The following THUMPD3 variants were observed in gnomAD, a reference collection of about 807,000 sequenced individuals.
The protein encoded by THUMPD3 is THUMP domain 3 tRNA guanosine methyltransferase.
Under a neutral mutation model 54.5 loss-of-function variants are expected in THUMPD3, and 44 were observed. The observed-to-expected ratio is 0.81, with a 90% CI of 0.63 to 1.04. The LOEUF is 1.04. Ranked by LOEUF, THUMPD3 falls within the 50% of genes least tolerant of loss-of-function variation. The probability of loss-of-function intolerance (pLI) is 0.00; values close to 1 mark genes in which losing one functional copy is unlikely to be tolerated. For missense variants in THUMPD3, 604 were observed against 601.3 expected, an observed-to-expected ratio of 1.00 and a Z score of -0.05; for synonymous variants, 196 against 201.4, an observed-to-expected ratio of 0.97 and a Z score of 0.23.
chr3:9,376,434 G>C (rs1349550791), intron 5 of THUMPD3, among the ~76,000 whole-genome samples: 4 of 152,078 alleles, frequency 2.6e-5, no homozygotes, highest in South Asian at 2.1e-4. Flanking sequence ...TTAGCTCTTT[G>C]TTCCAAATTC....
Position 9,371,394 on chromosome 3 carries a change from C to T in THUMPD3, c.665C>T (p.Pro222Leu). The change falls in exon 4 of 10, where the codon CCT (proline) becomes CTT (leucine). Residue 222 changes from proline (P) to leucine (L), a missense_variant. Coordinates refer to ENST00000452837, the MANE Select transcript of THUMPD3 (RefSeq NM_001114092.2). ...GAAAGCTCAAAAGAAGAAACTGAGCCTCAAGTGCTGAAGTTTAGAGTCACA... is the reference window on the plus strand; with the variant it reads ...GAAAGCTCAAAAGAAGAAACTGAGCTTCAAGTGCTGAAGTTTAGAGTCACA... ...TDESSKEETE[P>L]QVLKFRVTCN... 1.2e-6 allele frequency: 2 copies of T among 1,614,114 alleles called. No homozygotes were observed. The highest frequency in any genetic ancestry group is 8.5e-7 in the Non-Finnish European group (1 of 1,180,018).
Position 9,371,114 on chromosome 3 carries a change from C to G in THUMPD3, c.385C>G (p.Pro129Ala). 1 of 1,599,146 alleles carries G rather than the reference C, an allele frequency of 6.3e-7. No homozygotes were observed. Among genetic ancestry groups the G allele is most frequent in the African/African-American group, 1.4e-5 (1 of 73,708 alleles). Residue 129 changes from proline to alanine, a missense_variant, in exon 4 of 10, where the codon CCC becomes GCC. Coordinates refer to ENST00000452837, the MANE Select transcript of THUMPD3 (RefSeq NM_001114092.2). ...GGCTGGAAAACTCCCATGGTCAAAC[C>G]CCTTAAAAGTGTGGAAAATTAATGC... is the stretch of plus-strand genomic sequence containing the variant. ...DLAGKLPWSN[P>A]LKVWKINASF...
chr3:9,371,026 G>T (rs2125315444), intron 3 of THUMPD3, 34 bp from the exon 4 acceptor site: 1 of 1,476,004 alleles, frequency 6.8e-7, no homozygotes, highest in African/African-American at 1.4e-5. Flanking sequence ...ATAGTGGTGA[G>T]AAATGAATGA....
chr3:9,380,518 T>C lies in THUMPD3; in HGVS notation c.1024T>C (p.Ser342Pro). 6.2e-7 allele frequency: 1 copy of C among 1,611,868 alleles called. No homozygotes were observed. Residue 342 changes from serine (S) to proline (P), a missense_variant, in exon 7 of 10, where the codon TCT becomes CCT. Ser to Pro is a moderately conservative substitution (Grantham distance 74). Coordinates refer to ENST00000452837, the MANE Select transcript of THUMPD3 (RefSeq NM_001114092.2). ...TATCTTTTAGGGGGCCACTGAATGG[T>C]CTGACTGTTTCCATATTGCTGGTGA... ...AIPIEGATEW[S>P]DCFHIAGDNN...
At chr3:9,365,564 G>A (rs1160626308) in intron 2 of THUMPD3, among the ~76,000 whole-genome samples, 1 of 151,794 alleles carries the variant, frequency 6.6e-6, no homozygotes, top group African/African-American at 2.4e-5. Flanking sequence ...TGGAATATTT[G>A]CATTATACTT....
At chr3:9,377,287 AAG>A (rs1262780215) in intron 5 of THUMPD3, among the ~76,000 whole-genome samples, 3 of 152,148 alleles carry the variant, frequency 2.0e-5, no homozygotes, top group Non-Finnish European at 4.4e-5. Flanking sequence ...GGGATTTTGG[AAG>A]ATAGTCAAAG....
chr3:9,383,059 A>G (rs1324860032), intron 7 of THUMPD3, 140 bp from the exon 8 acceptor site: 1 of 551,228 alleles, frequency 1.8e-6, no homozygotes, highest in Non-Finnish European at 3.3e-6. Flanking sequence ...CCATTTCTTA[A>G]ATTTTGAATA....
chr3:9,375,751 A>C (rs1437798328), intron 5 of THUMPD3, among the ~76,000 whole-genome samples: 2 of 152,206 alleles, frequency 1.3e-5, no homozygotes, highest in Admixed American at 1.3e-4. Context: ...CCTACTACAC[A>C]CCTGGGCTAT....
chr3:9,371,128 G>A lies in THUMPD3; in HGVS notation c.399G>A (p.Trp133Ter), dbSNP rs764222516. ...KLPWSNPLKV[W>*]KINASFKKKK... ...CATGGTCAAACCCCTTAAAAGTGTG[G>A]AAAATTAATGCCAGTTTTAAAAAGA... The change falls in exon 4 of 10, where the codon TGG becomes TGA. Residue 133 changes from tryptophan (W) to a stop codon, truncating the protein, a stop_gained. Coordinates refer to ENST00000452837, the MANE Select transcript of THUMPD3 (RefSeq NM_001114092.2). LOFTEE classifies it high-confidence loss of function. The A allele has an allele frequency of 5.6e-6, 9 of 1,608,162 alleles. No homozygotes were observed. The Admixed American group carries it at 1.5e-4, about 27-fold the overall frequency.
rs1160149974 is a variant in THUMPD3, at chr3:9,385,607, AAT to A, written c.*921_*922del. Reference sequence around the variant, plus strand: ...TAGGAATTATCAAAGGTACTGCAAAAATACTGTATAGAACTTATTTGTAAATA... The same window carrying A: ...TAGGAATTATCAAAGGTACTGCAAAAACTGTATAGAACTTATTTGTAAATA... On this transcript the variant is annotated 3_prime_UTR_variant, in exon 10 of 10. Transcript: ENST00000452837. 1 of 152,266 alleles carries A rather than the reference AAT, an allele frequency of 6.6e-6. No homozygotes were observed. Among genetic ancestry groups the A allele is most frequent in the African/African-American group, 2.4e-5 (1 of 41,472 alleles). 9.4% of individuals were successfully genotyped at this position (152,266 alleles called of 1,614,324 possible).
chr3:9,384,930 G>C lies in THUMPD3; in HGVS notation c.*242G>C. 1 of 419,482 alleles carries C rather than the reference G, an allele frequency of 2.4e-6. No individual in the cohort carries two copies. The highest frequency in any genetic ancestry group is 2.9e-5 in the South Asian group (1 of 35,010). The allele number at this position is 419,482 out of a possible 1,614,324, so 26.0% of individuals were successfully genotyped here. On this transcript the variant is annotated 3_prime_UTR_variant, in exon 10 of 10. Transcript: ENST00000452837. ...GGAAGCCGAAGTGTGCAGATCACCT[G>C]AGGTCCGGAGACCAGCCTGGCCAAC...
chr3:9,384,308 TACTC>T lies in THUMPD3; in HGVS notation c.1334_1337del (p.Thr445LysfsTer25), dbSNP rs750389074. 3.1e-6 allele frequency: 5 copies of T among 1,614,068 alleles called. No homozygotes were observed. In the South Asian group the frequency reaches 3.3e-5, roughly 11 times the overall value. On this transcript the variant is annotated frameshift_variant, in exon 9 of 10. Transcript: ENST00000452837. LOFTEE classifies it high-confidence loss of function. The stretch of plus-strand genomic sequence containing the variant: ...CTACCACAGGCCGAGCTGTACTACT[TACTC>T]AAGACACAAAATGCTTTACCAAGGT...
chr3:9,383,166 G>A lies in THUMPD3; in HGVS notation c.1125-33G>A, dbSNP rs754584758. 9.7e-6 allele frequency: 14 copies of A among 1,439,802 alleles called. No homozygotes were observed. The Admixed American group carries it at 2.0e-4, about 21-fold the overall frequency. The allele number at this position is 1,439,802 out of a possible 1,614,324, so 89.2% of individuals were successfully genotyped here. On this transcript the variant is annotated intron_variant, in intron 7 of 9. Transcript: ENST00000452837. ...TGTTGTAATAACTTTATGCTTCACA[G>A]TATGTTGAAGCACCTTTCCTTTGTC...
Position 9,369,309 on chromosome 3 carries a change from CAAAAAAAAAA to C in THUMPD3, c.331-1736_331-1727del, listed in dbSNP as rs779602979. 2.8e-4 allele frequency among the ~76,000 whole-genome samples: 17 copies of C among 60,832 alleles called. No homozygotes were observed. In the East Asian group the frequency reaches 7.0e-3, roughly 25 times the overall value. 39.9% of individuals were successfully genotyped at this position (60,832 alleles called of 152,430 possible). A position where few individuals can be genotyped will look rare whatever the true frequency, so the allele number is the denominator to read the frequency against. Reference sequence around the variant, plus strand: ...TGGGCAACAGAGCAAGACTCCGTCTCAAAAAAAAAAAAAAAAAAAAAAAAGAAAGAAATAC... The same window carrying C: ...TGGGCAACAGAGCAAGACTCCGTCTCAAAAAAAAAAAAAAGAAAGAAATAC... On this transcript the variant is annotated intron_variant, in intron 3 of 9. Transcript: ENST00000452837.
intron 7 of THUMPD3, among the ~76,000 whole-genome samples, chr3:9,381,664 T>TC (rs1553594776): frequency 1.3e-5 from 2 of 151,094 alleles, no homozygotes; most frequent in Non-Finnish European, 2.9e-5. Context: ...TTTTTTTTTT[T>TC]AATTAAAACT....
At chr3:9,377,420 C>G (rs2032546372) in intron 5 of THUMPD3, among the ~76,000 whole-genome samples, 1 of 152,070 alleles carries the variant, frequency 6.6e-6, no homozygotes, top group Non-Finnish European at 1.5e-5. Flanking sequence ...CTCTGTCACC[C>G]AGGCTGCATC....
At position 9,384,503 on chromosome 3, in the gene THUMPD3, ATTTT is replaced by A. The variant is rs147229917; in HGVS notation, c.1360-16_1360-13del. ...AAAGTAGATTGTCAACCTAATTGTT[ATTTT>A]TTTTGTGTGTACACAGGCGTTATCT... On this transcript the variant is annotated splice_polypyrimidine_tract_variant and intron_variant, in intron 9 of 9. Transcript: ENST00000452837. The A allele has an allele frequency of 1.1e-5, 18 of 1,611,206 alleles. No individual in the cohort carries two copies. In the East Asian group the frequency reaches 1.3e-4, roughly 12 times the overall value.
intron 5 of THUMPD3, among the ~76,000 whole-genome samples, chr3:9,374,898 G>A (rs1468055238): frequency 5.9e-5 from 9 of 152,000 alleles, no homozygotes; most frequent in African/African-American, 1.7e-4. Context: ...TCACTCTGTC[G>A]CCCAGACTGG....
chr3:9,382,309 ATTATT>A (rs1480353789), intron 7 of THUMPD3, among the ~76,000 whole-genome samples: 2 of 152,022 alleles, frequency 1.3e-5, no homozygotes, highest in Non-Finnish European at 2.9e-5. Flanking sequence ...TAGCCTGTGC[ATTATT>A]TTGTTTCTTA....
Sources: allele counts gnomAD v4.1 joint callset (sites outside exome capture counted in the v4.1 genomes callset), GRCh38; gene constraint gnomAD v4.1.1; transcripts MANE v1.5; gene names NCBI Gene and HGNC (gene_info 2026-07-23, HGNC 2026-07-21).